Variants in NXPH1 observed in about 807,000 individuals in gnomAD.
NXPH1 encodes neurexophilin 1, also known as neurexophilin-1.
NXPH1 carries 5 observed loss-of-function variants against 23.7 expected under a neutral mutation model. The observed-to-expected ratio is 0.21, with a 90% confidence interval of 0.11 to 0.44. The LOEUF is 0.44. Ranked by LOEUF, NXPH1 falls within the 20% of genes least tolerant of loss-of-function variation. NXPH1 has a pLI of 0.99. For synonymous variants in NXPH1, 144 were observed against 122.2 expected (o/e 1.18, Z -1.18); for missense variants, 324 against 321.6 (o/e 1.01, Z -0.06).
intron 2 of NXPH1, among the ~76,000 whole-genome samples, chr7:8,564,473 G>C (rs1200117848): frequency 3.3e-5 from 5 of 151,588 alleles, no homozygotes; most frequent in African/African-American, 4.8e-5. Flanking sequence ...TAGGTTGTGG[G>C]TGCTTAACAG....
intron 2 of NXPH1, among the ~76,000 whole-genome samples, chr7:8,510,093 C>T (rs1323663089): frequency 6.6e-6 from 1 of 152,096 alleles, no homozygotes; most frequent in Non-Finnish European, 1.5e-5. Context: ...AAATGGGTCT[C>T]TCTCAAGATG....
chr7:8,638,183 C>A (rs1220221574), intron 2 of NXPH1, among the ~76,000 whole-genome samples: 1 of 152,162 alleles, frequency 6.6e-6, no homozygotes, highest in Non-Finnish European at 1.5e-5. Flanking sequence ...GAAAACAAAG[C>A]AGAAAGTCTG....
intron 2 of NXPH1, among the ~76,000 whole-genome samples, chr7:8,608,329 ATT>A (rs34703338): frequency 1.0e-4 from 15 of 143,732 alleles, no homozygotes; most frequent in African/African-American, 1.0e-4. Flanking sequence ...AAATTCAGTG[ATT>A]TTTTTTTTTT....
chr7:8,732,769 G>T (rs1176821649), intron 2 of NXPH1, among the ~76,000 whole-genome samples: 2 of 152,024 alleles, frequency 1.3e-5, no homozygotes, highest in African/African-American at 4.8e-5. Context: ...CTTGTTAGTG[G>T]TGAATCAGTG....
intron 2 of NXPH1, among the ~76,000 whole-genome samples, chr7:8,477,841 T>C (rs1383389144): frequency 6.6e-6 from 1 of 152,116 alleles, no homozygotes; most frequent in Admixed American, 6.6e-5. Context: ...TAGAGAAAGA[T>C]TGAGAACCAC....
chr7:8,435,601 T>C lies in NXPH1; in HGVS notation c.-110-3T>C. The stretch of plus-strand genomic sequence containing the variant: ...TGGGATGTCTAATTTTATTTGCATC[T>C]AGGCTGCTGAGAGCGCTCCTTGCTC... On this transcript the variant is annotated splice_region_variant and splice_polypyrimidine_tract_variant and intron_variant, in intron 1 of 2. Transcript: ENST00000405863. The surrounding 1 kb of genome is among the most constrained non-coding windows in gnomAD (Gnocchi z 5.9). 1 of 944,468 alleles carries C rather than the reference T, an allele frequency of 1.1e-6. No homozygotes were observed. The highest frequency in any genetic ancestry group is 2.4e-5 in the East Asian group (1 of 41,702). The allele number at this position is 944,468 out of a possible 1,614,324, so 58.5% of individuals were successfully genotyped here.
chr7:8,647,099 G>A lies in NXPH1; in HGVS notation c.55-103909G>A, dbSNP rs71534610. Among the ~76,000 whole-genome samples the A allele has an allele frequency of 9.3e-3, 1,423 of 152,268 alleles. 9 individuals are homozygous for A. The highest frequency in any genetic ancestry group is 0.016 in the Non-Finnish European group (1,084 of 68,014). On this transcript the variant is annotated intron_variant, in intron 2 of 2. Transcript: ENST00000405863. Reference sequence around the variant, plus strand: ...AGACACGGATACAGACACACACAAAGACACGTGTGTTCTGTGAGCTCAAGA... The same window carrying A: ...AGACACGGATACAGACACACACAAAAACACGTGTGTTCTGTGAGCTCAAGA...
At chr7:8,466,843 G>T (rs187653874) in intron 2 of NXPH1, among the ~76,000 whole-genome samples, 30 of 152,242 alleles carry the variant, frequency 2.0e-4, no homozygotes, top group African/African-American at 6.5e-4. Context: ...TTGTGGTTGG[G>T]AGGTGGTATA....
intron 2 of NXPH1, among the ~76,000 whole-genome samples, chr7:8,694,292 G>T (rs530733782): frequency 6.6e-6 from 1 of 152,328 alleles, no homozygotes; most frequent in Non-Finnish European, 1.5e-5. Flanking sequence ...CATTGGTTGA[G>T]TTGTCCCTTG....
Position 8,560,057 on chromosome 7 carries a change from A to G in NXPH1, c.54+124290A>G, listed in dbSNP as rs147686445. Reference sequence around the variant, plus strand: ...AGAAAACAAAGAAGGACTCCTTTTCATTTTACTTTGATGCCTCAGTTACAA... The same window carrying G: ...AGAAAACAAAGAAGGACTCCTTTTCGTTTTACTTTGATGCCTCAGTTACAA... On this transcript the variant is annotated intron_variant, in intron 2 of 2. Transcript: ENST00000405863. Among the ~76,000 whole-genome samples the G allele has an allele frequency of 4.2e-3, 637 of 151,806 alleles. 5 individuals are homozygous for G. Among genetic ancestry groups the G allele is most frequent in the Middle Eastern group, 0.034 (10 of 294 alleles).
chr7:8,520,892 G>A (rs1444245768), intron 2 of NXPH1, among the ~76,000 whole-genome samples: 2 of 152,120 alleles, frequency 1.3e-5, no homozygotes, highest in African/African-American at 4.8e-5. Context: ...CAGTGAAGGG[G>A]GACATTTCAA....
chr7:8,565,604 GA>G (rs1374095547), intron 2 of NXPH1, among the ~76,000 whole-genome samples: 1 of 151,844 alleles, frequency 6.6e-6, no homozygotes, highest in African/African-American at 2.4e-5. Context: ...TTATACTAGA[GA>G]AAAAACATGA....
At chr7:8,615,981 C>G (rs548171559) in intron 2 of NXPH1, among the ~76,000 whole-genome samples, 1 of 152,134 alleles carries the variant, frequency 6.6e-6, no homozygotes, top group Non-Finnish European at 1.5e-5. Flanking sequence ...CTTCTTAAAG[C>G]TTATTCTCCG....
chr7:8,610,149 T>C (rs577653127), intron 2 of NXPH1, among the ~76,000 whole-genome samples: 1 of 152,170 alleles, frequency 6.6e-6, no homozygotes, highest in Non-Finnish European at 1.5e-5. Context: ...AATTTCACAT[T>C]TGACTAACAG....
intron 2 of NXPH1, among the ~76,000 whole-genome samples, chr7:8,540,873 T>C (rs1331239891): frequency 6.6e-6 from 1 of 151,726 alleles, no homozygotes; most frequent in Non-Finnish European, 1.5e-5. Flanking sequence ...AACCCATGAC[T>C]GAGCATGCTC....
rs1395060451 is a variant in NXPH1, at chr7:8,751,638, T to C, written c.685T>C (p.Trp229Arg). 1 of 1,613,534 alleles carries C rather than the reference T, an allele frequency of 6.2e-7. No individual in the cohort carries two copies. Among genetic ancestry groups the C allele is most frequent in the Admixed American group, 1.7e-5 (1 of 59,862 alleles). The part of the protein sequence containing the change: ...YQEQTQSHVS[W>R]LCSKPFKVIC... ...GGAGCAAACCCAAAGTCATGTATCC[T>C]GGCTCTGCTCCAAGCCCTTTAAGGT... The change falls in exon 3 of 3, where the codon TGG becomes CGG. Residue 229 changes from tryptophan (W) to arginine (R), a missense_variant. By Grantham distance (101) the Trp-to-Arg change is moderately radical. Transcript: ENST00000405863. This position sits in a 1 kb window ranked among gnomAD's most constrained non-coding sequence, Gnocchi z 4.5.
At chr7:8,452,138 T>C (rs1816517391) in intron 2 of NXPH1, among the ~76,000 whole-genome samples, 1 of 152,196 alleles carries the variant, frequency 6.6e-6, no homozygotes, top group Non-Finnish European at 1.5e-5. Context: ...TTGTCAGTGA[T>C]TCTAGAGTTA....
intron 2 of NXPH1, among the ~76,000 whole-genome samples, chr7:8,525,691 A>G (rs576110262): frequency 6.6e-6 from 1 of 152,326 alleles, no homozygotes; most frequent in Admixed American, 6.5e-5. Flanking sequence ...GCCAACATGT[A>G]GCTTAGGCTG....
At chr7:8,622,018 A>G (rs1381778371) in intron 2 of NXPH1, among the ~76,000 whole-genome samples, 1 of 152,146 alleles carries the variant, frequency 6.6e-6, no homozygotes, top group Non-Finnish European at 1.5e-5. Context: ...GGTCCTCTGC[A>G]CATTTCGGTG....
Sources: gnomAD v4.1 joint callset for allele counts (sites outside exome capture counted in the v4.1 genomes callset) on GRCh38, gnomAD v4.1.1 for gene constraint, Gnocchi (gnomAD v3.1) non-coding constraint, MANE v1.5 for transcripts, NCBI Gene and HGNC (gene_info 2026-07-23, HGNC 2026-07-21) for gene names.